PCDH7: variants seen among roughly 807,000 people sequenced by gnomAD.
PCDH7 encodes the protein protocadherin 7.
Under a neutral mutation model 58.9 loss-of-function variants are expected in PCDH7, and 17 were observed. The observed-to-expected ratio is 0.29, with a 90% CI of 0.20 to 0.43. PCDH7 has a LOEUF of 0.43. Ranked by LOEUF, PCDH7 falls within the 20% of genes least tolerant of loss-of-function variation. PCDH7 has a pLI of 1.00. For synonymous variants in PCDH7, 664 were observed against 616.4 expected (o/e 1.08, Z -1.14); for missense variants, 1,274 against 1,441.0 (o/e 0.88, Z 1.88).
intron 1 of PCDH7, among the ~76,000 whole-genome samples, chr4:30,767,122 A>G (rs1478165785): frequency 6.6e-6 from 1 of 152,228 alleles, no homozygotes; most frequent in Non-Finnish European, 1.5e-5. Flanking sequence ...TCTCATAGTA[A>G]TAACCTGTGG....
Position 30,760,568 on chromosome 4 carries a change from C to T in PCDH7, c.70+35972C>T, listed in dbSNP as rs998786313. Among the ~76,000 whole-genome samples, 6 of 152,090 alleles carry T rather than the reference C, an allele frequency of 3.9e-5. No homozygotes were observed. In the East Asian group the frequency reaches 1.2e-3, roughly 30 times the overall value. ...CACCAACAACAGACAAGCAGAAACC[C>T]AAATCATGAGTGAACTCCCATTCAC... On this transcript the variant is annotated intron_variant, in intron 1 of 3. Transcript: ENST00000509759.
intron 3 of PCDH7, among the ~76,000 whole-genome samples, chr4:30,993,706 C>A (rs888301501): frequency 2.0e-5 from 3 of 151,008 alleles, no homozygotes; most frequent in Non-Finnish European, 4.4e-5. Context: ...GGAAAAAATA[C>A]TTTAAGAGAT....
intron 3 of PCDH7, among the ~76,000 whole-genome samples, chr4:30,960,835 G>C (rs1311876232): frequency 6.6e-6 from 1 of 152,050 alleles, no homozygotes; most frequent in Non-Finnish European, 1.5e-5. Context: ...CTATAAAAGA[G>C]ACCAAAAATA....
chr4:31,121,935 G>A (rs991376560), intron 3 of PCDH7, among the ~76,000 whole-genome samples: 3 of 152,136 alleles, frequency 2.0e-5, no homozygotes. Flanking sequence ...TTGGTTAGTA[G>A]CGCTGGAGTT....
chr4:30,809,054 A>C (rs1490739195), intron 1 of PCDH7, among the ~76,000 whole-genome samples: 1 of 152,228 alleles, frequency 6.6e-6, no homozygotes, highest in Non-Finnish European at 1.5e-5. Context: ...TCACTCTTGA[A>C]AAGATACAAA....
intron 1 of PCDH7, among the ~76,000 whole-genome samples, chr4:30,836,540 G>T (rs1730503714): frequency 6.6e-6 from 1 of 152,156 alleles, no homozygotes. Context: ...AACCAATGCT[G>T]CCCAGGAGAT....
At chr4:31,000,285 C>T (rs532380903) in intron 3 of PCDH7, among the ~76,000 whole-genome samples, 2 of 152,136 alleles carry the variant, frequency 1.3e-5, no homozygotes, top group African/African-American at 4.8e-5. Context: ...GCTAGAAGAA[C>T]TTTTTTCATA....
chr4:30,820,767 TGATCTATTTA>T (rs1214238254), intron 1 of PCDH7, among the ~76,000 whole-genome samples: 1 of 152,142 alleles, frequency 6.6e-6, no homozygotes, highest in African/African-American at 2.4e-5. Flanking sequence ...AATGTGTAAT[TGATCTATTTA>T]GTACATTTGC....
chr4:31,022,841 A>G (rs897036464), intron 3 of PCDH7, among the ~76,000 whole-genome samples: 1 of 152,178 alleles, frequency 6.6e-6, no homozygotes, highest in Non-Finnish European at 1.5e-5. Context: ...ATTATGACTA[A>G]GTGTCATAAG....
intron 1 of PCDH7, among the ~76,000 whole-genome samples, chr4:30,764,219 A>G (rs892769195): frequency 2.6e-5 from 4 of 152,148 alleles, no homozygotes; most frequent in African/African-American, 9.7e-5. Context: ...CACACACTTC[A>G]TTGACATCAG....
intron 1 of PCDH7, among the ~76,000 whole-genome samples, chr4:30,793,712 G>A (rs1270497418): frequency 2.0e-5 from 3 of 152,056 alleles, no homozygotes; most frequent in South Asian, 2.1e-4. Flanking sequence ...CCACAAACTC[G>A]AAGCATATGT....
At chr4:30,847,346 A>G (rs1238007965) in intron 1 of PCDH7, among the ~76,000 whole-genome samples, 1 of 152,112 alleles carries the variant, frequency 6.6e-6, no homozygotes, top group African/African-American at 2.4e-5. Context: ...GGCTGATTCA[A>G]ACTAGTTGTG....
At chr4:30,741,259 T>G (rs963157671) in intron 1 of PCDH7, among the ~76,000 whole-genome samples, 3 of 152,112 alleles carry the variant, frequency 2.0e-5, no homozygotes, top group African/African-American at 7.2e-5. Flanking sequence ...AGATGGTTTT[T>G]TTTTTAGAGC....
chr4:30,916,804 C>A (rs1389539302), intron 1 of PCDH7, among the ~76,000 whole-genome samples: 2 of 152,176 alleles, frequency 1.3e-5, no homozygotes, highest in East Asian at 1.9e-4. Context: ...AATAAAGTTT[C>A]TCATTCCTTT....
chr4:30,804,356 T>C (rs1323664542), intron 1 of PCDH7, among the ~76,000 whole-genome samples: 1 of 152,020 alleles, frequency 6.6e-6, no homozygotes, highest in Admixed American at 6.6e-5. Context: ...CTGGTCAATA[T>C]GGTGAAACCC....
intron 3 of PCDH7, among the ~76,000 whole-genome samples, chr4:31,000,887 C>A (rs1341522677): frequency 6.6e-6 from 1 of 152,052 alleles, no homozygotes. Context: ...GTAAACTATT[C>A]TTTATGCTGT....
In PCDH7 at chr4:30,773,626, A is replaced by G. The variant is rs76897871; in HGVS notation, c.70+49030A>G. 3.6e-3 allele frequency among the ~76,000 whole-genome samples: 544 copies of G among 152,240 alleles called. 4 individuals carry two copies. The highest frequency in any genetic ancestry group is 0.033 in the East Asian group (170 of 5,164). On this transcript the variant is annotated intron_variant, in intron 1 of 3. Transcript: ENST00000509759. ...AGAAGTCATCCGCAACTTCCACTGA[A>G]GAATCATGGTGCTGCTTTCCTCTTG...
intron 1 of PCDH7, among the ~76,000 whole-genome samples, chr4:30,819,451 GATTA>G (rs1560402425): frequency 1.3e-5 from 2 of 152,130 alleles, no homozygotes; most frequent in East Asian, 1.9e-4. Flanking sequence ...TGGATTGTGT[GATTA>G]ATTAAGTGCA....
chr4:30,825,840 AG>A (rs1261658687), intron 1 of PCDH7, among the ~76,000 whole-genome samples: 1 of 152,174 alleles, frequency 6.6e-6, no homozygotes, highest in Admixed American at 6.5e-5. Flanking sequence ...AAGCATTGAC[AG>A]GCTTTTAAAA....
Sources: gnomAD v4.1 joint callset for allele counts (sites outside exome capture counted in the v4.1 genomes callset) on GRCh38, gnomAD v4.1.1 for gene constraint, MANE v1.5 for transcripts, NCBI Gene and HGNC (gene_info 2026-07-23, HGNC 2026-07-21) for gene names.